Variants in ACO1 observed in about 807,000 individuals in gnomAD.
ACO1 encodes the protein aconitase 1.
ACO1 carries 78 observed loss-of-function variants against 105.1 expected under a neutral mutation model. That is an observed-to-expected ratio of 0.74 (90% CI 0.62 to 0.90). The LOEUF is 0.90. Among genes scored for constraint, ACO1 ranks in the 40% least tolerant of loss-of-function variants. The pLI is 0.00. For synonymous variants in ACO1, 364 were observed against 397.4 expected, an observed-to-expected ratio of 0.92 and a Z score of 1.00; for missense variants, 965 against 1,111.1, an observed-to-expected ratio of 0.87 and a Z score of 1.87.
At chr9:32,398,059 C>T (rs1563928904) in intron 1 of ACO1, among the ~76,000 whole-genome samples, 2 of 152,158 alleles carry the variant, frequency 1.3e-5, no homozygotes, top group Non-Finnish European at 2.9e-5. Context: ...ACTGATAGTT[C>T]TGCTGCCTGG....
intron 7 of ACO1, among the ~76,000 whole-genome samples, chr9:32,420,538 A>G (rs992261804): frequency 5.3e-5 from 8 of 152,222 alleles, no homozygotes; most frequent in Admixed American, 2.0e-4. Context: ...CCAGCTTCCC[A>G]TAATGTTAAC....
intron 11 of ACO1, 36 bp downstream of exon 11, chr9:32,426,033 T>C (rs1822086490): frequency 2.5e-6 from 4 of 1,599,680 alleles, no homozygotes; most frequent in African/African-American, 2.7e-5. Context: ...TGGTCATACA[T>C]GTGTGTAGGT....
At chr9:32,447,086 G>T (rs987935480) in intron 19 of ACO1, among the ~76,000 whole-genome samples, 1 of 152,122 alleles carries the variant, frequency 6.6e-6, no homozygotes, top group Non-Finnish European at 1.5e-5. Context: ...GGTGTTCCAT[G>T]TATTTCCTGA....
At chr9:32,449,220 A>G in intron 20 of ACO1, 139 bp downstream of exon 20, 1 of 746,818 alleles carries the variant, frequency 1.3e-6, no homozygotes. Context: ...TAGGAGGCCT[A>G]CTAGCATCTT....
chr9:32,447,576 C>T (rs772219593), intron 19 of ACO1, among the ~76,000 whole-genome samples: 4 of 152,146 alleles, frequency 2.6e-5, no homozygotes, highest in Non-Finnish European at 5.9e-5. Flanking sequence ...GTCAATTTGT[C>T]AATCTCATTC....
intron 1 of ACO1, among the ~76,000 whole-genome samples, chr9:32,396,387 G>A (rs1821372749): frequency 6.6e-6 from 1 of 152,072 alleles, no homozygotes; most frequent in East Asian, 1.9e-4. Context: ...TGTACACCTG[G>A]CTTAAAGTGT....
chr9:32,448,538 C>T lies in ACO1; in HGVS notation c.2371-358C>T, dbSNP rs572091985. On this transcript the variant is annotated intron_variant, in intron 19 of 20. Transcript: ENST00000309951. ...CTGGTTGTGAAGGCCATGGGAAAAG[C>T]GCAGTATCTGGGCCAGAGTGCACTG... Among the ~76,000 whole-genome samples the T allele has an allele frequency of 1.4e-4, 22 of 152,322 alleles. No homozygotes were observed. The South Asian group carries it at 3.1e-3, about 21-fold the overall frequency.
intron 15 of ACO1, among the ~76,000 whole-genome samples, chr9:32,433,417 G>A (rs568316004): frequency 4.0e-5 from 6 of 151,512 alleles, no homozygotes; most frequent in Admixed American, 2.0e-4. Flanking sequence ...TTTTATTTTT[G>A]TAGAGACATG....
At position 32,422,730 on chromosome 9, in the gene ACO1, A is replaced by G. The variant is rs547292666; in HGVS notation, c.971-589A>G. ...GGTTCTACCGTTTACTGGCTGTGTT[A>G]CATGAGAAAGTTACTTAGTCTTCTT... On this transcript the variant is annotated intron_variant, in intron 8 of 20. Coordinates refer to ENST00000309951, the MANE Select transcript of ACO1 (RefSeq NM_002197.3). Among the ~76,000 whole-genome samples, 4 of 152,354 alleles carry G rather than the reference A, an allele frequency of 2.6e-5. No individual in the cohort carries two copies. In the East Asian group the frequency reaches 7.7e-4, roughly 29 times the overall value.
At chr9:32,428,789 A>C (rs1214962446) in intron 12 of ACO1, among the ~76,000 whole-genome samples, 1 of 152,092 alleles carries the variant, frequency 6.6e-6, no homozygotes, top group African/African-American at 2.4e-5. Flanking sequence ...GCTTGCAGTG[A>C]GCAGAGATAG....
chr9:32,393,001 A>T (rs1379829250), intron 1 of ACO1, among the ~76,000 whole-genome samples: 2 of 152,138 alleles, frequency 1.3e-5, no homozygotes, highest in African/African-American at 2.4e-5. Flanking sequence ...AGGAGGATGT[A>T]TGTCACCTCA....
At position 32,454,011 on chromosome 9, in the gene ACO1, A is replaced by G. The variant is rs1356920806; in HGVS notation, c.*3900A>G. The G allele has an allele frequency of 6.6e-6, 1 of 152,362 alleles. No homozygotes were observed. The highest frequency in any genetic ancestry group is 2.1e-4 in the South Asian group (1 of 4,822). 9.4% of individuals were successfully genotyped at this position (152,362 alleles called of 1,614,324 possible). A position where few individuals can be genotyped will look rare whatever the true frequency, so the allele number is the denominator to read the frequency against. On this transcript the variant is annotated 3_prime_UTR_variant, in exon 21 of 21. Transcript: ENST00000309951. ...GGCATAATGAAACAGAGTTCCAGACATGTACCTGCCAAATTTGGTTCTGGT... is the reference window on the plus strand; with the variant it reads ...GGCATAATGAAACAGAGTTCCAGACGTGTACCTGCCAAATTTGGTTCTGGT...
intron 4 of ACO1, among the ~76,000 whole-genome samples, chr9:32,415,491 T>C (rs1296399502): frequency 6.6e-6 from 1 of 152,042 alleles, no homozygotes; most frequent in African/African-American, 2.4e-5. Context: ...ACCCATTGAG[T>C]TGATGGTGCC....
intron 19 of ACO1, among the ~76,000 whole-genome samples, 182 bp from the exon 20 acceptor site, chr9:32,448,714 A>C (rs549685551): frequency 6.6e-6 from 1 of 152,144 alleles, no homozygotes; most frequent in African/African-American, 2.4e-5. Flanking sequence ...AATGAGATGA[A>C]CCGGGTACCT....
intron 16 of ACO1, 121 bp downstream of exon 16, chr9:32,433,953 C>T: frequency 1.2e-6 from 1 of 808,972 alleles, no homozygotes; most frequent in Non-Finnish European, 1.9e-6. Flanking sequence ...TTTGCAAACC[C>T]AAGCAGATAC....
intron 18 of ACO1, 115 bp from the exon 19 acceptor site, chr9:32,440,350 G>A: frequency 9.5e-7 from 1 of 1,047,978 alleles, no homozygotes; most frequent in Non-Finnish European, 1.4e-6. Context: ...CAAGATGATT[G>A]GACGGATTTG....
At chr9:32,440,439 G>A (rs776638897) in intron 18 of ACO1, 26 bp from the exon 19 acceptor site, 5 of 1,612,890 alleles carry the variant, frequency 3.1e-6, no homozygotes, top group Admixed American at 3.3e-5. Context: ...TCCTGCATCT[G>A]TAAAACTTCC....
chr9:32,416,559 G>A (rs1240667649), intron 4 of ACO1, among the ~76,000 whole-genome samples: 5 of 152,120 alleles, frequency 3.3e-5, no homozygotes, highest in Non-Finnish European at 7.4e-5. Context: ...CCCCCAGGTG[G>A]GTTCATGGCC....
chr9:32,427,543 T>G (rs1172904137), intron 12 of ACO1, 107 bp downstream of exon 12: 1 of 1,456,830 alleles, frequency 6.9e-7, no homozygotes, highest in Admixed American at 1.7e-5. Flanking sequence ...TGATATCTAA[T>G]TGCATAGTCG....
Sources: gnomAD v4.1 joint callset for allele counts (sites outside exome capture counted in the v4.1 genomes callset) on GRCh38, gnomAD v4.1.1 for gene constraint, MANE v1.5 for transcripts, NCBI Gene and HGNC (gene_info 2026-07-23, HGNC 2026-07-21) for gene names.